The following UGT8 variants were observed in gnomAD, a reference collection of about 807,000 sequenced individuals.
The protein encoded by UGT8 is UDP glycosyltransferase 8, also known as 2-hydroxyacylsphingosine 1-beta-galactosyltransferase.
In UGT8, 12 loss-of-function variants were observed where a neutral mutation model predicts 40.5. The observed-to-expected ratio is 0.30, with a 90% CI of 0.19 to 0.48. The LOEUF is 0.48. Among genes scored for constraint, UGT8 ranks in the 20% least tolerant of loss-of-function variants. UGT8 has a pLI of 0.99. For synonymous variants in UGT8, 224 were observed against 240.4 expected, an observed-to-expected ratio of 0.93 and a Z score of 0.63; for missense variants, 513 against 648.7, an observed-to-expected ratio of 0.79 and a Z score of 2.27.
At chr4:114,637,679 T>C (rs1265030686) in intron 2 of UGT8, among the ~76,000 whole-genome samples, 3 of 152,206 alleles carry the variant, frequency 2.0e-5, no homozygotes, top group Non-Finnish European at 4.4e-5. Context: ...TTTATTTACT[T>C]GACTCACAGT....
At chr4:114,663,865 A>T in intron 2 of UGT8, 130 bp from the exon 3 acceptor site, 1 of 1,447,722 alleles carries the variant, frequency 6.9e-7, no homozygotes, top group African/African-American at 1.4e-5. Flanking sequence ...AGAAGAAAAT[A>T]TCATATCCTT....
chr4:114,627,807 T>A (rs1206367804), intron 2 of UGT8, among the ~76,000 whole-genome samples: 1 of 152,230 alleles, frequency 6.6e-6, no homozygotes, highest in Non-Finnish European at 1.5e-5. Flanking sequence ...CCTTGAACTC[T>A]TATAGCACCT....
intron 1 of UGT8, among the ~76,000 whole-genome samples, chr4:114,601,828 T>A (rs1276813995): frequency 6.7e-6 from 1 of 149,584 alleles, no homozygotes; most frequent in Non-Finnish European, 1.5e-5. Flanking sequence ...CTTCTTTTTA[T>A]GTTTTTTTTT....
In UGT8 at chr4:114,662,609, C is replaced by T. The variant is rs534762963; in HGVS notation, c.823-1386C>T. Among the ~76,000 whole-genome samples the T allele has an allele frequency of 3.9e-4, 59 of 152,150 alleles. No homozygotes were observed. The South Asian group carries it at 6.9e-3, about 18-fold the overall frequency. On this transcript the variant is annotated intron_variant, in intron 2 of 5. Transcript: ENST00000310836. Reference sequence around the variant, plus strand: ...TGTACCTCCTTTCTGTCATCAGTCTCGGTCATGCAGTGACATTATTCGCTA... The same window carrying T: ...TGTACCTCCTTTCTGTCATCAGTCTTGGTCATGCAGTGACATTATTCGCTA...
chr4:114,611,403 CATATATATATATATATATATATATAT>C lies in UGT8; in HGVS notation c.-2-11458_-2-11433del, dbSNP rs60533468. 4.0e-3 allele frequency among the ~76,000 whole-genome samples: 422 copies of C among 106,172 alleles called. 3 individuals are homozygous for C. The highest frequency in any genetic ancestry group is 5.2e-3 in the Admixed American group (52 of 10,048). The allele number at this position is 106,172 out of a possible 152,430, so 69.7% of individuals were successfully genotyped here. A position where few individuals can be genotyped will look rare whatever the true frequency, so the allele number is the denominator to read the frequency against. ...GTAGGATAACATAGCCATATATATC[CATATATATATATATATATATATATAT>C]ATATATATATATATATACACACACA... is the stretch of plus-strand genomic sequence containing the variant. On this transcript the variant is annotated intron_variant, in intron 1 of 5. Transcript: ENST00000310836.
At chr4:114,669,083 A>T (rs1270057853) in intron 5 of UGT8, among the ~76,000 whole-genome samples, 1 of 152,338 alleles carries the variant, frequency 6.6e-6, no homozygotes, top group East Asian at 1.9e-4. Flanking sequence ...ACTGAGAAAC[A>T]CTTGAGAAAC....
chr4:114,616,018 G>T (rs1329647745), intron 1 of UGT8, among the ~76,000 whole-genome samples: 5 of 152,118 alleles, frequency 3.3e-5, no homozygotes, highest in Admixed American at 2.0e-4. Flanking sequence ...TTACTGGGGG[G>T]TGCCTCCCAG....
intron 2 of UGT8, chr4:114,663,572 A>T (rs1449246313): frequency 6.5e-6 from 2 of 308,026 alleles, no homozygotes; most frequent in African/African-American, 4.5e-5. Context: ...CAAATCAATC[A>T]TACTGGCAAA....
intron 1 of UGT8, chr4:114,622,416 C>A (rs1374690346): frequency 6.5e-6 from 1 of 153,618 alleles, no homozygotes; most frequent in Admixed American, 6.5e-5. Flanking sequence ...AATAAACATA[C>A]GTGTGCATGT....
chr4:114,639,785 G>A (rs1046461101), intron 2 of UGT8, among the ~76,000 whole-genome samples: 2 of 152,128 alleles, frequency 1.3e-5, no homozygotes, highest in African/African-American at 4.8e-5. Flanking sequence ...AATAAATTGT[G>A]TTAAGTACTT....
At chr4:114,653,629 T>TTGG (rs1734009871) in intron 2 of UGT8, among the ~76,000 whole-genome samples, 2 of 152,124 alleles carry the variant, frequency 1.3e-5, no homozygotes, top group Non-Finnish European at 2.9e-5. Context: ...TTTGGAAATG[T>TTGG]TGGTGTGCAA....
chr4:114,638,048 T>C (rs1016507935), intron 2 of UGT8, among the ~76,000 whole-genome samples: 2 of 152,234 alleles, frequency 1.3e-5, no homozygotes, highest in African/African-American at 4.8e-5. Flanking sequence ...AGAATACATA[T>C]ATGATATACA....
Position 114,611,144 on chromosome 4 carries a change from T to G in UGT8, c.-2-11735T>G, listed in dbSNP as rs534246520. Among the ~76,000 whole-genome samples, 70 of 152,124 alleles carry G rather than the reference T, an allele frequency of 4.6e-4. No individual in the cohort carries two copies. In the South Asian group the frequency reaches 0.013, roughly 29 times the overall value. Reference sequence around the variant, plus strand: ...CTAACAAAACATTTTAAAATGTCAATCATTGTTTTTGTATTTTTTAAAAAT... The same window carrying G: ...CTAACAAAACATTTTAAAATGTCAAGCATTGTTTTTGTATTTTTTAAAAAT... On this transcript the variant is annotated intron_variant, in intron 1 of 5. Transcript: ENST00000310836.
chr4:114,652,724 A>C (rs534871767), intron 2 of UGT8, among the ~76,000 whole-genome samples: 3 of 152,094 alleles, frequency 2.0e-5, no homozygotes, highest in Admixed American at 2.0e-4. Flanking sequence ...GAGATGAAAG[A>C]GTGCTCTTGG....
At chr4:114,654,515 G>A (rs183381937) in intron 2 of UGT8, among the ~76,000 whole-genome samples, 8 of 152,148 alleles carry the variant, frequency 5.3e-5, no homozygotes, top group African/African-American at 1.9e-4. Context: ...ACTGTCTGGG[G>A]AATCAGCTAG....
intron 4 of UGT8, chr4:114,667,776 C>A: frequency 1.7e-6 from 1 of 577,754 alleles, no homozygotes; most frequent in Non-Finnish European, 2.2e-6. Context: ...TTCTTGCTTT[C>A]ATTGGCTTCA....
At position 114,623,360 on chromosome 4, in the gene UGT8, T is replaced by C; in HGVS notation, c.480T>C (p.Thr160=). The part of the protein sequence containing the change: ...LLGVKYAVFS[T]GLWYPAEVGA... ...GGGTTAAATATGCTGTATTTTCAACTGGCCTTTGGTATCCTGCTGAAGTGG... is the reference window on the plus strand; with the variant it reads ...GGGTTAAATATGCTGTATTTTCAACCGGCCTTTGGTATCCTGCTGAAGTGG... The change falls in exon 2 of 6, where the codon ACT becomes ACC. Residue 160 remains threonine (T), a synonymous_variant. Coordinates refer to ENST00000310836, the MANE Select transcript of UGT8 (RefSeq NM_001128174.3). The C allele has an allele frequency of 1.5e-5, 25 of 1,614,204 alleles. No individual in the cohort carries two copies. The highest frequency in any genetic ancestry group is 2.0e-5 in the Non-Finnish European group (24 of 1,180,020).
At chr4:114,626,023 G>A (rs1359190500) in intron 2 of UGT8, among the ~76,000 whole-genome samples, 1 of 152,020 alleles carries the variant, frequency 6.6e-6, no homozygotes, top group East Asian at 1.9e-4. Flanking sequence ...TATAGTATGT[G>A]GACATAGATA....
chr4:114,643,834 C>G (rs1733379341), intron 2 of UGT8, among the ~76,000 whole-genome samples: 1 of 152,044 alleles, frequency 6.6e-6, no homozygotes, highest in Non-Finnish European at 1.5e-5. Flanking sequence ...ATGAAATACA[C>G]ATTTCTCAAA....
Sources: gnomAD v4.1 joint callset for allele counts (sites outside exome capture counted in the v4.1 genomes callset) on GRCh38, gnomAD v4.1.1 for gene constraint, MANE v1.5 for transcripts, NCBI Gene and HGNC (gene_info 2026-07-23, HGNC 2026-07-21) for gene names.